MRPL4: variants seen among roughly 807,000 people sequenced by gnomAD.
The protein encoded by MRPL4 is mitochondrial ribosomal protein L4, also known as large ribosomal subunit protein uL4m.
Under a neutral mutation model 34.1 loss-of-function variants are expected in MRPL4, and 34 were observed. The ratio of observed to expected loss-of-function variants is 1.00; its 90% confidence interval spans 0.76 to 1.33. The LOEUF (loss-of-function observed/expected upper bound fraction) is 1.33. MRPL4 is among the 40% of genes most tolerant of loss of function. MRPL4 has a pLI of 0.00. For synonymous variants in MRPL4, 196 were observed against 188.3 expected (o/e 1.04, Z -0.33); for missense variants, 402 against 434.6 (o/e 0.92, Z 0.67).
chr19:10,259,912 A>C lies in MRPL4; in HGVS notation c.*99A>C, dbSNP rs2039896710. On this transcript the variant is annotated 3_prime_UTR_variant, in exon 9 of 9. Transcript: ENST00000253099. ...AGGAAGGTGTCACCTGGACCCCTTC[A>C]TTCCACGGAGGAAGCTGAGGCCACA... The C allele has an allele frequency of 9.0e-7, 1 of 1,116,658 alleles. No homozygotes were observed. Among genetic ancestry groups the C allele is most frequent in the Non-Finnish European group, 1.2e-6 (1 of 803,270 alleles). The allele number at this position is 1,116,658 out of a possible 1,614,324, so 69.2% of individuals were successfully genotyped here. A position where few individuals can be genotyped will look rare whatever the true frequency, so the allele number is the denominator to read the frequency against.
intron 8 of MRPL4, 113 bp from the exon 9 acceptor site, chr19:10,259,504 T>G (rs1419284683): frequency 2.0e-6 from 3 of 1,496,878 alleles, no homozygotes; most frequent in South Asian, 1.3e-5. Flanking sequence ...AAAGTCACAC[T>G]AGACCACAGT....
chr19:10,252,769 T>A, intron 3 of MRPL4, 68 bp downstream of exon 3: 1 of 1,553,554 alleles, frequency 6.4e-7, no homozygotes, highest in Non-Finnish European at 8.7e-7. Context: ...GGAGTCACGA[T>A]GACTTTGGGC....
At chr19:10,259,588 C>CCCCCG (rs2039890421) in intron 8 of MRPL4, 29 bp from the exon 9 acceptor site, 17 of 1,275,588 alleles carry the variant, frequency 1.3e-5, no homozygotes, top group Middle Eastern at 6.1e-4. Context: ...CCTGACCGGC[C>CCCCCG]CCCCGCCCCG....
At position 10,258,978 on chromosome 19, in the gene MRPL4, T is replaced by C. The variant is rs953414536; in HGVS notation, c.739+293T>C. The C allele has an allele frequency of 2.8e-4, 395 of 1,407,418 alleles. 1 individual carries two copies. The highest frequency in any genetic ancestry group is 1.5e-3 in the South Asian group (98 of 64,580). The allele number at this position is 1,407,418 out of a possible 1,614,324, so 87.2% of individuals were successfully genotyped here. On this transcript the variant is annotated intron_variant, in intron 8 of 8. Coordinates refer to ENST00000253099, the MANE Select transcript of MRPL4 (RefSeq NM_015956.3). ...AGTTAGGCGTGGCGATGTGCACCTGTAGTCCCAGCTACTCGGGGGCTGAGC... is the reference window on the plus strand; with the variant it reads ...AGTTAGGCGTGGCGATGTGCACCTGCAGTCCCAGCTACTCGGGGGCTGAGC...
chr19:10,257,590 G>A (rs984375092), intron 5 of MRPL4, among the ~76,000 whole-genome samples: 2 of 152,100 alleles, frequency 1.3e-5, no homozygotes, highest in African/African-American at 4.8e-5. Context: ...AGGCCCAGGC[G>A]AGGGCAGACA....
At position 10,252,629 on chromosome 19, in the gene MRPL4, C is replaced by T. The variant is rs766851914; in HGVS notation, c.203C>T (p.Ser68Phe). Residue 68 changes from serine (S) to phenylalanine (F), a missense_variant, in exon 3 of 9, where the codon TCC becomes TTC. Transcript: ENST00000253099. ...HRRPVQAWVE[S>F]LRGFEQERVG... ...CGCCCAGTGCAGGCCTGGGTCGAGT[C>T]CTTGCGGGGCTTCGAGCAGGAGCGC... 3 of 1,611,396 alleles carry T rather than the reference C, an allele frequency of 1.9e-6. No individual in the cohort carries two copies. Among genetic ancestry groups the T allele is most frequent in the Non-Finnish European group, 2.5e-6 (3 of 1,179,890 alleles).
intron 6 of MRPL4, 41 bp downstream of exon 6, chr19:10,258,369 G>A: frequency 6.2e-7 from 1 of 1,613,536 alleles, no homozygotes; most frequent in Non-Finnish European, 8.5e-7. Flanking sequence ...TAGAGGTGGG[G>A]CTGCTCTGGA....
intron 5 of MRPL4, 116 bp downstream of exon 5, chr19:10,256,941 T>G: frequency 1.2e-6 from 1 of 848,894 alleles, no homozygotes; most frequent in Non-Finnish European, 1.7e-6. Context: ...CCCTGTTCCC[T>G]CCACCTCATG....
chr19:10,257,735 C>T (rs1347923518), intron 5 of MRPL4, among the ~76,000 whole-genome samples: 2 of 152,004 alleles, frequency 1.3e-5, no homozygotes, highest in African/African-American at 2.4e-5. Context: ...ATAACTTCAG[C>T]ATTAACAGCG....
Position 10,256,814 on chromosome 19 carries a change from T to C in MRPL4, c.434T>C (p.Leu145Pro). ...CGGCATGGCAGCATCCGCTCTCCGC[T>C]CTGGCGAGGAGGTAACAGGACAGGG... ...RARHGSIRSP[L>P]WRGGGVAHGP... The change falls in exon 5 of 9, where the codon CTC becomes CCC. Residue 145 changes from leucine (L) to proline (P), a missense_variant. By Grantham distance (98) the Leu-to-Pro change is moderately conservative (BLOSUM62 -3). Transcript: ENST00000253099. 7.3e-6 allele frequency: 9 copies of C among 1,231,226 alleles called. No individual in the cohort carries two copies. The highest frequency in any genetic ancestry group is 9.5e-6 in the Non-Finnish European group (9 of 946,908). The allele number at this position is 1,231,226 out of a possible 1,614,324, so 76.3% of individuals were successfully genotyped here.
At position 10,252,390 on chromosome 19, in the gene MRPL4, C is replaced by G; in HGVS notation, c.58-7C>G. The G allele has an allele frequency of 6.2e-7, 1 of 1,614,092 alleles. No homozygotes were observed. The highest frequency in any genetic ancestry group is 8.5e-7 in the Non-Finnish European group (1 of 1,179,970). On this transcript the variant is annotated splice_region_variant and splice_polypyrimidine_tract_variant and intron_variant, in intron 1 of 8. Coordinates refer to ENST00000253099, the MANE Select transcript of MRPL4 (RefSeq NM_015956.3). ...GGTCGTCTCTCACTTTCGCCCAACC[C>G]TTGCAGGGCCTGAGTTCCCTGGCGG...
rs1391486187 is a variant in MRPL4 at position 10,252,643 on chromosome 19, G to A, written c.217G>A (p.Glu73Lys). 2.5e-6 allele frequency: 4 copies of A among 1,609,774 alleles called. No individual in the cohort carries two copies. The highest frequency in any genetic ancestry group is 3.4e-6 in the Non-Finnish European group (4 of 1,179,888). Residue 73 changes from glutamate to lysine, a missense_variant, in exon 3 of 9, where the codon GAG (glutamate) becomes AAG (lysine). Physicochemically the swap from Glu to Lys is moderately conservative, Grantham distance 56. Transcript: ENST00000253099. ...QAWVESLRGF[E>K]QERVGLADLH... ...CTGGGTCGAGTCCTTGCGGGGCTTC[G>A]AGCAGGAGCGCGTGGGCCTGGCCGA...
upstream of MRPL4, chr19:10,252,180 C>A (rs1323156692): frequency 1.2e-5 from 17 of 1,469,658 alleles, no homozygotes; most frequent in Non-Finnish European, 1.4e-5. Context: ...GCGTCGCGTG[C>A]GTGACGTCAT....
intron 4 of MRPL4, 78 bp downstream of exon 4, chr19:10,254,718 C>A: frequency 6.5e-7 from 1 of 1,531,046 alleles, no homozygotes; most frequent in Non-Finnish European, 9.0e-7. Flanking sequence ...GGAAGCCCAT[C>A]GCTGGGTTTT....
chr19:10,257,176 T>TTTGTGTGGAACCTGAACTCCGGACCG, intron 5 of MRPL4, among the ~76,000 whole-genome samples: 1 of 152,044 alleles, frequency 6.6e-6, no homozygotes, highest in Middle Eastern at 3.4e-3. Flanking sequence ...ACTCCGGACC[T>TTTGTGTGGAACCTGAACTCCGGACCG]CGGCCTTTGT....
Position 10,258,217 on chromosome 19 carries a change from C to T in MRPL4, c.446-5C>T, listed in dbSNP as rs537118416. Reference sequence around the variant, plus strand: ...CTACCTGCTCACATGCCTCTGTCCCCGCAGGAGGTGTTGCCCATGGCCCCC... The same window carrying T: ...CTACCTGCTCACATGCCTCTGTCCCTGCAGGAGGTGTTGCCCATGGCCCCC... On this transcript the variant is annotated splice_polypyrimidine_tract_variant and splice_region_variant and intron_variant, in intron 5 of 8. Coordinates refer to ENST00000253099, the MANE Select transcript of MRPL4 (RefSeq NM_015956.3). The T allele has an allele frequency of 2.2e-5, 35 of 1,607,484 alleles. No homozygotes were observed. The highest frequency in any genetic ancestry group is 2.1e-4 in the African/African-American group (16 of 74,906).
chr19:10,254,009 AGGAAGAAG>A lies in MRPL4; in HGVS notation c.276-577_276-570del, dbSNP rs1290699000. 2.0e-5 allele frequency among the ~76,000 whole-genome samples: 3 copies of A among 152,070 alleles called. No individual in the cohort carries two copies. The East Asian group carries it at 5.8e-4, about 29-fold the overall frequency. On this transcript the variant is annotated intron_variant, in intron 3 of 8. Transcript: ENST00000253099. ...GAAAAAAGTAATGGTAGGAAAAACA[AGGAAGAAG>A]GGGTGGCTTTTTTTTTCTGAGATGA...
chr19:10,256,580 C>T (rs1464584955), intron 4 of MRPL4, 128 bp from the exon 5 acceptor site: 9 of 712,990 alleles, frequency 1.3e-5, no homozygotes, highest in Admixed American at 1.0e-4. Flanking sequence ...CCCAAGTACT[C>T]TGTGCTTGGC....
intron 8 of MRPL4, chr19:10,258,979 A>C: frequency 1.4e-6 from 2 of 1,408,816 alleles, no homozygotes; most frequent in East Asian, 5.0e-5. Flanking sequence ...GTGCACCTGT[A>C]GTCCCAGCTA....
Sources: gnomAD v4.1 joint callset for allele counts (sites outside exome capture counted in the v4.1 genomes callset) on GRCh38, gnomAD v4.1.1 for gene constraint, MANE v1.5 for transcripts, NCBI Gene and HGNC (gene_info 2026-07-23, HGNC 2026-07-21) for gene names.